CPS1: variants seen among roughly 807,000 people sequenced by gnomAD.
CPS1 encodes carbamoyl-phosphate synthase 1.
A neutral mutation model predicts 174.6 loss-of-function variants in CPS1; 109 were observed. That is an observed-to-expected ratio of 0.62 (90% CI 0.53 to 0.73). The LOEUF (loss-of-function observed/expected upper bound fraction) is 0.73, where lower values mean the gene tolerates loss of function less well. Among genes scored for constraint, CPS1 ranks in the 30% least tolerant of loss-of-function variants. The probability of loss-of-function intolerance (pLI) is 0.00; values close to 1 mark genes in which losing one functional copy is unlikely to be tolerated. For synonymous variants in CPS1, 637 were observed against 632.0 expected (o/e 1.01, Z -0.12); for missense variants, 1,689 against 1,821.9 (o/e 0.93, Z 1.33).
intron 1 of CPS1, chr2:210,519,645 C>G (rs887362908): frequency 2.1e-5 from 11 of 534,398 alleles, no homozygotes; most frequent in African/African-American, 1.7e-4. Flanking sequence ...ACTTGAATTC[C>G]CAGCCTCGCT....
chr2:210,540,699 T>C (rs917737142), intron 1 of CPS1, among the ~76,000 whole-genome samples: 2 of 152,188 alleles, frequency 1.3e-5, no homozygotes, highest in African/African-American at 4.8e-5. Context: ...AAGCAACTTG[T>C]TCAAGGTCAC....
At chr2:210,568,952 C>A (rs1697388691) in intron 1 of CPS1, among the ~76,000 whole-genome samples, 1 of 151,922 alleles carries the variant, frequency 6.6e-6, no homozygotes, top group Non-Finnish European at 1.5e-5. Flanking sequence ...GGTAGGAGAG[C>A]ATATGCTTTT....
At chr2:210,645,020 A>G (rs1700334376) in intron 25 of CPS1, among the ~76,000 whole-genome samples, 2 of 152,194 alleles carry the variant, frequency 1.3e-5, no homozygotes, top group African/African-American at 2.4e-5. Context: ...CCTGATGGCT[A>G]TGATAAGGAT....
intron 1 of CPS1, among the ~76,000 whole-genome samples, chr2:210,497,611 T>C (rs1173740799): frequency 6.6e-6 from 1 of 152,052 alleles, no homozygotes; most frequent in African/African-American, 2.4e-5. Flanking sequence ...GTACTCAGTG[T>C]TTAGGTCCCA....
intron 1 of CPS1, among the ~76,000 whole-genome samples, chr2:210,488,785 C>T (rs1323101857): frequency 6.6e-6 from 1 of 152,106 alleles, no homozygotes; most frequent in Non-Finnish European, 1.5e-5. Context: ...ATCTCCTCTT[C>T]CTCATTCCTT....
At chr2:210,579,808 G>GT (rs1697852212) in intron 5 of CPS1, 38 bp downstream of exon 5, 2 of 1,526,666 alleles carry the variant, frequency 1.3e-6, no homozygotes, top group African/African-American at 1.4e-5. Context: ...ATGTTTCTTC[G>GT]GGTGTGTGTG....
chr2:210,674,022 C>G (rs1029248898), intron 34 of CPS1: 5 of 152,172 alleles, frequency 3.3e-5, no homozygotes, highest in Non-Finnish European at 5.9e-5. Context: ...ATGCAGCTAA[C>G]TGACTTTAGA....
intron 1 of CPS1, among the ~76,000 whole-genome samples, chr2:210,572,495 A>G (rs1697533975): frequency 6.6e-6 from 1 of 152,012 alleles, no homozygotes; most frequent in Non-Finnish European, 1.5e-5. Context: ...AACAGAATTT[A>G]GAGTATTTAT....
At chr2:210,547,002 G>A (rs895837582) in intron 1 of CPS1, among the ~76,000 whole-genome samples, 2 of 152,120 alleles carry the variant, frequency 1.3e-5, no homozygotes, top group African/African-American at 4.8e-5. Context: ...AAAGAACACC[G>A]TAGTATAACT....
Position 210,500,268 on chromosome 2 carries a change from A to G in CPS1, c.3+22502A>G, listed in dbSNP as rs534721899. On this transcript the variant is annotated intron_variant, in intron 1 of 38. Transcript: ENST00000430249. ...GGACACAGCCATGTGATATCATCCCACCACTGGCTCCTCCCAAATCTCATG... is the reference window on the plus strand; with the variant it reads ...GGACACAGCCATGTGATATCATCCCGCCACTGGCTCCTCCCAAATCTCATG... Among the ~76,000 whole-genome samples, 33 of 152,222 alleles carry G rather than the reference A, an allele frequency of 2.2e-4. No individual in the cohort carries two copies. In the South Asian group the frequency reaches 6.8e-3, roughly 32 times the overall value.
chr2:210,556,637 C>A lies in CPS1; in HGVS notation c.-97C>A. On this transcript the variant is annotated 5_prime_UTR_variant, in exon 1 of 38. Transcript: ENST00000233072. ...CAGTCAGCCTTAAACACTGACTGCA[C>A]CCCTCCCAGATTTCTTTTACATTAA... The A allele has an allele frequency of 6.4e-7, 1 of 1,567,916 alleles. No individual in the cohort carries two copies.
Position 210,647,789 on chromosome 2 carries a change from G to A in CPS1, c.3142-74G>A. The stretch of plus-strand genomic sequence containing the variant: ...GTTAAGAATTATCAGTAAGGAAATA[G>A]ACACAATATTAGCATAGTTGTCCAT... On this transcript the variant is annotated intron_variant, in intron 25 of 37. Transcript: ENST00000233072. The A allele has an allele frequency of 2.0e-6, 3 of 1,491,602 alleles. No individual in the cohort carries two copies. In the South Asian group the frequency reaches 3.4e-5, roughly 17 times the overall value. The allele number at this position is 1,491,602 out of a possible 1,614,324, so 92.4% of individuals were successfully genotyped here. A position where few individuals can be genotyped will look rare whatever the true frequency, so the allele number is the denominator to read the frequency against.
chr2:210,508,402 A>C (rs1446685405), intron 1 of CPS1, among the ~76,000 whole-genome samples: 1 of 151,764 alleles, frequency 6.6e-6, no homozygotes, highest in East Asian at 1.9e-4. Context: ...AATTTATAGC[A>C]CTAAATGCCC....
intron 20 of CPS1, among the ~76,000 whole-genome samples, chr2:210,612,926 G>A (rs1326909614): frequency 6.6e-6 from 1 of 151,904 alleles, no homozygotes; most frequent in East Asian, 1.9e-4. Flanking sequence ...TATATTTACT[G>A]TGCTTAGAGT....
intron 20 of CPS1, among the ~76,000 whole-genome samples, chr2:210,614,201 A>G (rs941315163): frequency 2.6e-5 from 4 of 151,992 alleles, no homozygotes; most frequent in African/African-American, 4.8e-5. Flanking sequence ...GTGATGTTAC[A>G]TAGCAAAGCT....
chr2:210,647,786 A>G (rs1700425121), intron 25 of CPS1, 77 bp from the exon 26 acceptor site: 11 of 1,490,328 alleles, frequency 7.4e-6, no homozygotes, highest in African/African-American at 1.4e-5. Context: ...CAGTAAGGAA[A>G]TAGACACAAT....
intron 7 of CPS1, 46 bp from the exon 8 acceptor site, chr2:210,590,060 A>C (rs745736397): frequency 6.2e-7 from 1 of 1,611,406 alleles, no homozygotes; most frequent in Non-Finnish European, 8.5e-7. Flanking sequence ...ATACTTTGGC[A>C]AAGAAACATG....
rs527604725 is a variant in CPS1, at chr2:210,575,436, G to A, written c.237-910G>A. 2.3e-4 allele frequency among the ~76,000 whole-genome samples: 35 copies of A among 151,140 alleles called. No homozygotes were observed. In the South Asian group the frequency reaches 4.2e-3, roughly 18 times the overall value. ...ATGGAAAAAGTGTAGATAGCTCCTGGTATTCATGGGAATAACGTTTCTTCT... is the reference window on the plus strand; with the variant it reads ...ATGGAAAAAGTGTAGATAGCTCCTGATATTCATGGGAATAACGTTTCTTCT... On this transcript the variant is annotated intron_variant, in intron 2 of 37. Coordinates refer to ENST00000233072, the MANE Select transcript of CPS1 (RefSeq NM_001875.5).
intron 1 of CPS1, among the ~76,000 whole-genome samples, chr2:210,542,089 G>C (rs1418832097): frequency 6.6e-6 from 1 of 151,908 alleles, no homozygotes; most frequent in South Asian, 2.1e-4. Flanking sequence ...TTCTTATCTA[G>C]CTTAAAATCT....
Sources: allele counts gnomAD v4.1 joint callset (sites outside exome capture counted in the v4.1 genomes callset), GRCh38; gene constraint gnomAD v4.1.1; transcripts MANE v1.5; gene names NCBI Gene and HGNC (gene_info 2026-07-23, HGNC 2026-07-21).